EVC2: variants seen among roughly 807,000 people sequenced by gnomAD.
The protein encoded by EVC2 is EvC ciliary complex subunit 2.
In EVC2, 148 loss-of-function variants were observed where a neutral mutation model predicts 149.3. The observed-to-expected ratio is 0.99, with a 90% confidence interval of 0.87 to 1.14. EVC2 has a LOEUF of 1.14. Ranked by LOEUF, EVC2 falls within the 50% of genes most tolerant of loss-of-function variation. The probability of loss-of-function intolerance (pLI) is 0.00; values close to 1 mark genes in which losing one functional copy is unlikely to be tolerated. For synonymous variants in EVC2, 776 were observed against 649.9 expected (o/e 1.19, Z -2.95); for missense variants, 1,854 against 1,627.3 (o/e 1.14, Z -2.40).
the EVC2 span, among the ~76,000 whole-genome samples, chr4:5,530,583 A>T: frequency 9.9e-5 from 15 of 152,258 alleles, no homozygotes; most frequent in African/African-American, 3.4e-4. Flanking sequence ...AATGTTCAGC[A>T]TACAATACAA....
At chr4:5,551,760 G>T (rs1015098440) in intron 21 of EVC2, among the ~76,000 whole-genome samples, 1 of 152,188 alleles carries the variant, frequency 6.6e-6, no homozygotes, top group African/African-American at 2.4e-5. Flanking sequence ...TTGTGGGAGG[G>T]ACACGGTGGG....
intron 9 of EVC2, among the ~76,000 whole-genome samples, chr4:5,650,618 TATATATATATATATATATATAGAGAG>T (rs893883496): frequency 1.4e-5 from 1 of 70,078 alleles, no homozygotes; most frequent in African/African-American, 4.8e-5. Context: ...TATATATATA[TATATATATATATATATATATAGAGAG>T]AGAGAGAGAG....
At chr4:5,542,912 GA>G in intron 22 of EVC2, 1 of 333,062 alleles carries the variant, frequency 3.0e-6, no homozygotes, top group Non-Finnish European at 5.9e-6. Context: ...CAGGGCCACT[GA>G]AAGGATCAGC....
chr4:5,551,117 A>C (rs546920076), intron 21 of EVC2, among the ~76,000 whole-genome samples: 3 of 152,340 alleles, frequency 2.0e-5, no homozygotes, highest in African/African-American at 7.2e-5. Context: ...GAGCACCCAC[A>C]CAGAGTCCCT....
rs541468189 is a variant in EVC2, at chr4:5,622,153, GTCCCC to G, written c.2501+379_2501+383del. On this transcript the variant is annotated intron_variant, in intron 14 of 21. Coordinates refer to ENST00000344408, the MANE Select transcript of EVC2 (RefSeq NM_147127.5). The surrounding 1 kb of genome is among the most constrained non-coding windows in gnomAD (Gnocchi z 5.8). ...TTCCCCCTCTGCTCCTGTGGATCAT[GTCCCC>G]TCCCCAGGGGACATTTCTTATTAGG... Among the ~76,000 whole-genome samples the G allele has an allele frequency of 3.7e-4, 57 of 152,146 alleles. 1 individual carries two copies. In the South Asian group the frequency reaches 0.011, roughly 29 times the overall value.
intron 20 of EVC2, 40 bp downstream of exon 20, chr4:5,568,404 A>C: frequency 6.5e-7 from 1 of 1,533,926 alleles, no homozygotes; most frequent in East Asian, 2.4e-5. Context: ...CCTTGTGGAC[A>C]GGGACGTGCC....
chr4:5,673,641 A>G (rs1001394638), intron 7 of EVC2, among the ~76,000 whole-genome samples: 4 of 152,184 alleles, frequency 2.6e-5, no homozygotes, highest in Non-Finnish European at 4.4e-5. Context: ...TTAATCACAT[A>G]TTAGCAGGAG....
chr4:5,642,436 G>A (rs1717398759), intron 9 of EVC2, among the ~76,000 whole-genome samples: 1 of 152,122 alleles, frequency 6.6e-6, no homozygotes, highest in Non-Finnish European at 1.5e-5. Flanking sequence ...ACAACTAAAT[G>A]CTTCTTTATA....
intron 16 of EVC2, among the ~76,000 whole-genome samples, chr4:5,591,408 C>G (rs966894285): frequency 1.3e-5 from 2 of 152,174 alleles, no homozygotes; most frequent in African/African-American, 4.8e-5. Flanking sequence ...TTATTACATG[C>G]CTGCCATGCG....
At chr4:5,573,685 T>C (rs966577347) in intron 19 of EVC2, among the ~76,000 whole-genome samples, 9 of 152,236 alleles carry the variant, frequency 5.9e-5, no homozygotes, top group African/African-American at 2.2e-4. Flanking sequence ...AGCTGCTGTT[T>C]GTGGTCATTT....
chr4:5,646,963 A>C (rs1435384882), intron 9 of EVC2, among the ~76,000 whole-genome samples: 2 of 152,226 alleles, frequency 1.3e-5, no homozygotes. Flanking sequence ...AACTGGGCAT[A>C]TACCTTGCGG....
At chr4:5,608,029 G>A (rs946798247) in intron 16 of EVC2, among the ~76,000 whole-genome samples, 3 of 152,068 alleles carry the variant, frequency 2.0e-5, no homozygotes, top group Non-Finnish European at 4.4e-5. Flanking sequence ...TGCAGTCCCA[G>A]CCACAGTCCC....
chr4:5,681,895 G>A lies in EVC2; in HGVS notation c.817-582C>T, dbSNP rs1438917015. Among the ~76,000 whole-genome samples the A allele has an allele frequency of 2.0e-5, 3 of 152,270 alleles. No homozygotes were observed. In the East Asian group the frequency reaches 5.8e-4, roughly 29 times the overall value. On this transcript the variant is annotated intron_variant, in intron 6 of 21. Coordinates refer to ENST00000344408, the MANE Select transcript of EVC2 (RefSeq NM_147127.5). The stretch of plus-strand genomic sequence containing the variant: ...AACATACTTCTTCCTGGGGGTAAAG[G>A]CAGAATAGCTTGCCACTGACAGGCT...
intron 16 of EVC2, among the ~76,000 whole-genome samples, chr4:5,591,813 G>A (rs945997644): frequency 2.0e-5 from 3 of 152,234 alleles, no homozygotes; most frequent in Non-Finnish European, 2.9e-5. Flanking sequence ...AGGTATTAAT[G>A]ACAGGCTTCA....
chr4:5,543,380 T>G (rs1446974986), intron 21 of EVC2, among the ~76,000 whole-genome samples: 1 of 152,112 alleles, frequency 6.6e-6, no homozygotes, highest in Non-Finnish European at 1.5e-5. Context: ...ACTTCCAAAA[T>G]AAGCTCTTGA....
chr4:5,550,192 G>C (rs1721709490), intron 21 of EVC2, among the ~76,000 whole-genome samples: 1 of 152,200 alleles, frequency 6.6e-6, no homozygotes, highest in Non-Finnish European at 1.5e-5. Context: ...AGCAACTTTG[G>C]AACTGGGTAT....
intron 9 of EVC2, among the ~76,000 whole-genome samples, chr4:5,649,648 G>T (rs1212605457): frequency 6.6e-6 from 1 of 152,094 alleles, no homozygotes; most frequent in African/African-American, 2.4e-5. Context: ...TCAACATGGT[G>T]GATAATTAAT....
In EVC2 at chr4:5,567,299, C is replaced by G. The variant is rs944793715; in HGVS notation, c.3557+1145G>C. On this transcript the variant is annotated intron_variant, in intron 20 of 21. Coordinates refer to ENST00000344408, the MANE Select transcript of EVC2 (RefSeq NM_147127.5). The surrounding 1 kb of genome is among the most constrained non-coding windows in gnomAD (Gnocchi z 4.4). ...TCCCTCTTCCCCACCCTCCCCCTCA[C>G]CCTGGTCAGACTCTATTCACCCTCA... Among the ~76,000 whole-genome samples, 3 of 152,188 alleles carry G rather than the reference C, an allele frequency of 2.0e-5. No homozygotes were observed. Among genetic ancestry groups the G allele is most frequent in the African/African-American group, 4.8e-5 (2 of 41,446 alleles).
chr4:5,627,389 T>C (rs553622015), intron 12 of EVC2, among the ~76,000 whole-genome samples: 1 of 152,310 alleles, frequency 6.6e-6, no homozygotes, highest in East Asian at 1.9e-4. Context: ...TGAGTGCAAA[T>C]TAAAATCAGG....
Sources: gnomAD v4.1 joint callset for allele counts (sites outside exome capture counted in the v4.1 genomes callset) on GRCh38, gnomAD v4.1.1 for gene constraint, Gnocchi (gnomAD v3.1) non-coding constraint, MANE v1.5 for transcripts, NCBI Gene and HGNC (gene_info 2026-07-23, HGNC 2026-07-21) for gene names.